RFC3: variants seen among roughly 807,000 people sequenced by gnomAD.
The protein encoded by RFC3 is replication factor C subunit 3.
A neutral mutation model predicts 45.1 loss-of-function variants in RFC3; 41 were observed. The observed-to-expected ratio is 0.91, with a 90% CI of 0.71 to 1.18. The LOEUF is 1.18. Among genes scored for constraint, RFC3 ranks in the 50% most tolerant of loss-of-function variants. RFC3 has a pLI of 0.00. For missense variants in RFC3, 423 were observed against 428.1 expected (o/e 0.99, Z 0.10); for synonymous variants, 149 against 144.0 (o/e 1.03, Z -0.25).
intron 8 of RFC3, chr13:33,847,959 G>A (rs1410862904): frequency 6.6e-6 from 1 of 152,168 alleles, no homozygotes; most frequent in Non-Finnish European, 1.5e-5. Flanking sequence ...GCCATCAAAT[G>A]TGGAATATAG....
chr13:33,923,878 A>C (rs995901250), intron 8 of RFC3, among the ~76,000 whole-genome samples: 10 of 152,140 alleles, frequency 6.6e-5, no homozygotes, highest in Non-Finnish European at 1.2e-4. Flanking sequence ...TCTGTGGTAC[A>C]CATTAGGAAA....
At position 33,928,918 on chromosome 13, in the gene RFC3, C is replaced by A. The variant is rs557547159; in HGVS notation, c.880-37169C>A. Among the ~76,000 whole-genome samples, 4 of 152,228 alleles carry A rather than the reference C, an allele frequency of 2.6e-5. No individual in the cohort carries two copies. In the South Asian group the frequency reaches 8.3e-4, roughly 32 times the overall value. On this transcript the variant is annotated intron_variant, in intron 8 of 8. Transcript: ENST00000434425. ...ATTCTTTGTAGAAGAATATGCCCACCTTTGGCCCTGATCTGGGATTCCATT... is the reference window on the plus strand; with the variant it reads ...ATTCTTTGTAGAAGAATATGCCCACATTTGGCCCTGATCTGGGATTCCATT...
chr13:33,864,398 G>A (rs1301531616), intron 8 of RFC3, among the ~76,000 whole-genome samples: 1 of 152,136 alleles, frequency 6.6e-6, no homozygotes, highest in Non-Finnish European at 1.5e-5. Context: ...AACACGACTG[G>A]CATCTAATTG....
At chr13:33,969,237 G>A (rs1212665969), downstream of RFC3, among the ~76,000 whole-genome samples, 6 of 152,178 alleles carry the variant, frequency 3.9e-5, no homozygotes, top group Non-Finnish European at 7.3e-5. Flanking sequence ...TCAATAAGGA[G>A]TAAGAATTTT....
downstream of RFC3, among the ~76,000 whole-genome samples, chr13:33,970,183 G>A (rs1279487308): frequency 1.3e-5 from 2 of 152,172 alleles, no homozygotes; most frequent in African/African-American, 4.8e-5. Context: ...AGAACATGTA[G>A]TGTTTGGTTT....
chr13:33,818,330 C>A (rs370698384), intron 1 of RFC3, 65 bp downstream of exon 1: 20 of 1,362,056 alleles, frequency 1.5e-5, no homozygotes, highest in South Asian at 3.5e-5. Flanking sequence ...TTCGCGCCCC[C>A]CTGAGGAGCA....
At chr13:33,844,162 GCT>G (rs1172343012) in intron 8 of RFC3, among the ~76,000 whole-genome samples, 1 of 152,174 alleles carries the variant, frequency 6.6e-6, no homozygotes, top group African/African-American at 2.4e-5. Context: ...TAGGGTTCAA[GCT>G]CTCTTGTTCT....
chr13:33,819,744 T>A (rs2139370890), intron 1 of RFC3, among the ~76,000 whole-genome samples: 1 of 152,368 alleles, frequency 6.6e-6, no homozygotes, highest in East Asian at 1.9e-4. Flanking sequence ...ATTTGGAATG[T>A]ATATTTTGGA....
At chr13:33,865,412 T>C (rs1247111065) in intron 8 of RFC3, among the ~76,000 whole-genome samples, 1 of 152,056 alleles carries the variant, frequency 6.6e-6, no homozygotes, top group Non-Finnish European at 1.5e-5. Context: ...TGAGTGTGTG[T>C]GATGGAGGAG....
chr13:33,893,944 A>G (rs1246613130), intron 8 of RFC3, among the ~76,000 whole-genome samples: 3 of 152,176 alleles, frequency 2.0e-5, no homozygotes, highest in African/African-American at 7.2e-5. Context: ...AGCAAGGAGT[A>G]GAAAGGTTAT....
At chr13:33,916,461 G>A (rs1413800195) in intron 8 of RFC3, among the ~76,000 whole-genome samples, 1 of 152,110 alleles carries the variant, frequency 6.6e-6, no homozygotes, top group Non-Finnish European at 1.5e-5. Context: ...AAGAGGACTG[G>A]ATCACACAAA....
At chr13:33,827,552 C>T (rs1269011022) in intron 4 of RFC3, among the ~76,000 whole-genome samples, 2 of 151,786 alleles carry the variant, frequency 1.3e-5, no homozygotes, top group African/African-American at 2.4e-5. Flanking sequence ...TTAATAATAC[C>T]TGATTACAAT....
intron 7 of RFC3, among the ~76,000 whole-genome samples, chr13:33,832,588 C>T (rs894186352): frequency 2.6e-5 from 4 of 151,986 alleles, no homozygotes; most frequent in Non-Finnish European, 4.4e-5. Flanking sequence ...TTGAAGAAAT[C>T]GATAGTTTTC....
At chr13:33,899,952 C>T (rs1359440915) in intron 8 of RFC3, among the ~76,000 whole-genome samples, 1 of 151,668 alleles carries the variant, frequency 6.6e-6, no homozygotes, top group Non-Finnish European at 1.5e-5. Flanking sequence ...ATATAAAACA[C>T]CTAGGAATCA....
At chr13:33,899,456 A>C (rs189607381) in intron 8 of RFC3, among the ~76,000 whole-genome samples, 1 of 151,982 alleles carries the variant, frequency 6.6e-6, no homozygotes, top group East Asian at 1.9e-4. Flanking sequence ...ATAGATGCTA[A>C]AAACGCATTT....
intron 8 of RFC3, among the ~76,000 whole-genome samples, chr13:33,855,190 T>G (rs994574871): frequency 7.9e-5 from 12 of 152,200 alleles, no homozygotes; most frequent in African/African-American, 2.7e-4. Context: ...CAGTTTGAAG[T>G]CTCCCAGTTT....
intron 8 of RFC3, among the ~76,000 whole-genome samples, chr13:33,862,906 G>A (rs1386055000): frequency 6.6e-6 from 1 of 152,156 alleles, no homozygotes; most frequent in Non-Finnish European, 1.5e-5. Flanking sequence ...CAGCTGCACT[G>A]TTTCATCATA....
intron 8 of RFC3, among the ~76,000 whole-genome samples, chr13:33,925,605 T>C (rs1271110119): frequency 6.6e-6 from 1 of 150,494 alleles, no homozygotes; most frequent in Non-Finnish European, 1.5e-5. Flanking sequence ...TATACATACA[T>C]ATATAGTGTA....
Position 33,829,667 on chromosome 13 carries a change from A to G in RFC3, c.392-169A>G, listed in dbSNP as rs992652123. On this transcript the variant is annotated intron_variant, in intron 4 of 8. Coordinates refer to ENST00000380071, the MANE Select transcript of RFC3 (RefSeq NM_002915.4). ...TGGAGTATGATTGTAGCATTTTAAA[A>G]TAATAAAGTAATTTTACCATACTTA... 7 of 635,282 alleles carry G rather than the reference A, an allele frequency of 1.1e-5. No individual in the cohort carries two copies. In the African/African-American group the frequency reaches 1.3e-4, roughly 12 times the overall value. 39.4% of individuals were successfully genotyped at this position (635,282 alleles called of 1,614,324 possible).
Sources: gnomAD v4.1 joint callset for allele counts (sites outside exome capture counted in the v4.1 genomes callset) on GRCh38, gnomAD v4.1.1 for gene constraint, MANE v1.5 for transcripts, NCBI Gene and HGNC (gene_info 2026-07-23, HGNC 2026-07-21) for gene names.